The following NELL1 variants were observed in gnomAD, a reference collection of about 807,000 sequenced individuals.
The protein encoded by NELL1 is protein kinase C-binding protein NELL1.
In NELL1, 76 loss-of-function variants were observed where a neutral mutation model predicts 107.4. That is an observed-to-expected ratio of 0.71 (90% CI 0.59 to 0.86). The LOEUF (loss-of-function observed/expected upper bound fraction) is 0.86, where lower values mean the gene tolerates loss of function less well. Among genes scored for constraint, NELL1 ranks in the 40% least tolerant of loss-of-function variants. The pLI, the probability that NELL1 is intolerant of heterozygous loss-of-function variation, is 0.00. For missense variants in NELL1, 1,024 were observed against 1,005.5 expected (o/e 1.02, Z -0.25); for synonymous variants, 353 against 341.2 (o/e 1.03, Z -0.38).
At chr11:21,452,977 T>C (rs1290540863) in intron 15 of NELL1, among the ~76,000 whole-genome samples, 2 of 151,994 alleles carry the variant, frequency 1.3e-5, no homozygotes, top group African/African-American at 2.4e-5. Flanking sequence ...ATTCCAGTTA[T>C]AGTTCTATTT....
intron 13 of NELL1, among the ~76,000 whole-genome samples, chr11:21,214,456 G>T (rs1296069596): frequency 6.6e-6 from 1 of 152,070 alleles, no homozygotes; most frequent in Non-Finnish European, 1.5e-5. Flanking sequence ...AACACCATTG[G>T]CAGTTAGCAC....
intron 2 of NELL1, among the ~76,000 whole-genome samples, chr11:20,714,058 A>G (rs1182149412): frequency 6.6e-6 from 1 of 151,842 alleles, no homozygotes; most frequent in African/African-American, 2.4e-5. Context: ...CAAAGGATCA[A>G]TGCATTCTTT....
At chr11:21,217,298 G>A (rs1053501368) in intron 13 of NELL1, among the ~76,000 whole-genome samples, 1 of 152,128 alleles carries the variant, frequency 6.6e-6, no homozygotes, top group African/African-American at 2.4e-5. Flanking sequence ...AGCAGTGTGA[G>A]AACGAGATAA....
rs1853037889 is a variant in NELL1 at position 21,034,434 on chromosome 11, AC to A, written c.1300+73875del. On this transcript the variant is annotated intron_variant, in intron 12 of 19. Transcript: ENST00000357134. The stretch of plus-strand genomic sequence containing the variant: ...CCACAGAACTCTCTACCCAAAAATA[AC>A]AGAATATACATTCTTCTCATTGCCA... Among the ~76,000 whole-genome samples, 4 of 152,332 alleles carry A rather than the reference AC, an allele frequency of 2.6e-5. No individual in the cohort carries two copies. The South Asian group carries it at 8.3e-4, about 32-fold the overall frequency.
intron 12 of NELL1, among the ~76,000 whole-genome samples, chr11:21,016,966 C>T (rs758435459): frequency 2.6e-5 from 4 of 152,056 alleles, no homozygotes; most frequent in Non-Finnish European, 5.9e-5. Flanking sequence ...TTTCTCTGGT[C>T]TCAATTCCTA....
intron 14 of NELL1, among the ~76,000 whole-genome samples, chr11:21,322,503 T>A (rs1025580531): frequency 6.6e-6 from 1 of 152,134 alleles, no homozygotes; most frequent in African/African-American, 2.4e-5. Flanking sequence ...AAATTTTACA[T>A]TGTGAGTCAG....
chr11:20,985,238 A>G (rs1851829511), intron 12 of NELL1, among the ~76,000 whole-genome samples: 3 of 152,180 alleles, frequency 2.0e-5, no homozygotes, highest in Non-Finnish European at 1.5e-5. Flanking sequence ...GTAGAAATGA[A>G]TTTTAAGGTA....
Position 20,947,355 on chromosome 11 carries a change from T to G in NELL1, c.1091T>G (p.Ile364Ser). 6.2e-7 allele frequency: 1 copy of G among 1,613,916 alleles called. No individual in the cohort carries two copies. The stretch of plus-strand genomic sequence containing the variant: ...TTCCAGGGTGGAGTTTTAGTAAAAA[T>G]TACAGAAATGTGTCCTCCTTTGAAC... ...RECRGGVLVKITEMCPPLNCS... is the reference protein window; with the variant it reads ...RECRGGVLVKSTEMCPPLNCS... The change falls in exon 11 of 20, where the codon ATT becomes AGT. Residue 364 changes from isoleucine to serine, a missense_variant. By Grantham distance (142) the Ile-to-Ser change is moderately radical. Transcript: ENST00000357134.
At chr11:20,982,692 C>T (rs990452512) in intron 12 of NELL1, among the ~76,000 whole-genome samples, 22 of 151,854 alleles carry the variant, frequency 1.4e-4, no homozygotes, top group Admixed American at 6.5e-4. Flanking sequence ...AATGTAGAAC[C>T]GTAAGCAAAG....
chr11:21,158,011 G>A (rs935129261), intron 13 of NELL1, among the ~76,000 whole-genome samples: 1 of 152,126 alleles, frequency 6.6e-6, no homozygotes, highest in East Asian at 1.9e-4. Flanking sequence ...TTCAGTCTGG[G>A]TGGGCACCAT....
intron 3 of NELL1, among the ~76,000 whole-genome samples, chr11:20,806,252 T>TTGTGTG (rs3045512): frequency 1.4e-4 from 21 of 148,702 alleles, no homozygotes; most frequent in African/African-American, 4.9e-4. Flanking sequence ...TGTGAAGCAT[T>TTGTGTG]TGTGTGTGTG....
At chr11:20,884,515 C>A (rs1392266218) in intron 4 of NELL1, among the ~76,000 whole-genome samples, 1 of 3,618 alleles carries the variant, frequency 2.8e-4, no homozygotes, top group Non-Finnish European at 6.1e-4. Context: ...GAGGTACTTG[C>A]CCGGGGTGAG....
At chr11:21,221,408 G>A (rs528575333) in intron 13 of NELL1, among the ~76,000 whole-genome samples, 2 of 152,222 alleles carry the variant, frequency 1.3e-5, no homozygotes, top group African/African-American at 4.8e-5. Flanking sequence ...AATAAGTTAG[G>A]AAGAATTACC....
intron 14 of NELL1, among the ~76,000 whole-genome samples, chr11:21,368,813 A>G (rs948406806): frequency 6.2e-4 from 94 of 152,210 alleles, no homozygotes; most frequent in African/African-American, 2.2e-3. Context: ...TTTCACAGTC[A>G]TAACAATTCT....
chr11:20,789,166 G>A (rs1454230551), intron 3 of NELL1, among the ~76,000 whole-genome samples: 3 of 152,148 alleles, frequency 2.0e-5, no homozygotes, highest in Admixed American at 6.5e-5. Flanking sequence ...CACTGGGCTC[G>A]TTCTACCCAC....
chr11:20,691,479 C>T (rs186733453), intron 2 of NELL1, among the ~76,000 whole-genome samples: 2 of 151,832 alleles, frequency 1.3e-5, no homozygotes, highest in Admixed American at 6.6e-5. Context: ...ATTTATTGAG[C>T]GTTTTTAGCA....
At chr11:21,493,071 T>TA (rs1854873270) in intron 15 of NELL1, among the ~76,000 whole-genome samples, 1 of 151,936 alleles carries the variant, frequency 6.6e-6, no homozygotes, top group South Asian at 2.1e-4. Flanking sequence ...TGGCTATTAT[T>TA]AAAAAGACAA....
At chr11:21,359,064 G>A (rs916122594) in intron 14 of NELL1, among the ~76,000 whole-genome samples, 1 of 152,074 alleles carries the variant, frequency 6.6e-6, no homozygotes, top group African/African-American at 2.4e-5. Flanking sequence ...CAGTTCTCAA[G>A]GGGAATGCTT....
chr11:21,333,838 T>G (rs1376649752), intron 14 of NELL1, among the ~76,000 whole-genome samples: 2 of 152,204 alleles, frequency 1.3e-5, no homozygotes, highest in Admixed American at 6.6e-5. Flanking sequence ...GGCTCTTTTC[T>G]TGTTTGCTCA....
Sources: gnomAD v4.1 joint callset for allele counts (sites outside exome capture counted in the v4.1 genomes callset) on GRCh38, gnomAD v4.1.1 for gene constraint, MANE v1.5 for transcripts, NCBI Gene and HGNC (gene_info 2026-07-23, HGNC 2026-07-21) for gene names.